TRIP12: variants seen among roughly 807,000 people sequenced by gnomAD.
The protein encoded by TRIP12 is thyroid hormone receptor interactor 12.
In TRIP12, 25 loss-of-function variants were observed where a neutral mutation model predicts 244.2. The ratio of observed to expected loss-of-function variants is 0.10; its 90% CI spans 0.07 to 0.14. TRIP12 has a LOEUF of 0.14. Ranked by LOEUF, TRIP12 falls within the 10% of genes least tolerant of loss-of-function variation. The pLI, the probability that TRIP12 is intolerant of heterozygous loss-of-function variation, is 1.00. For synonymous variants in TRIP12, 905 were observed against 873.1 expected (o/e 1.04, Z -0.64); for missense variants, 1,677 against 2,486.4 (o/e 0.67, Z 6.92).
In TRIP12 at chr2:229,829,121, C is replaced by G. The variant is rs2052592952; in HGVS notation, c.1450+72G>C. ...ATGAAAAACTTCTTAATACTTACAT[C>G]AATAGGTTACAAGTAACAATAGCAG... On this transcript the variant is annotated intron_variant, in intron 8 of 41. Transcript: ENST00000675903. 15 of 1,395,770 alleles carry G rather than the reference C, an allele frequency of 1.1e-5. No individual in the cohort carries two copies. The South Asian group carries it at 1.8e-4, about 17-fold the overall frequency. The allele number at this position is 1,395,770 out of a possible 1,614,324, so 86.5% of individuals were successfully genotyped here. A position where few individuals can be genotyped will look rare whatever the true frequency, so the allele number is the denominator to read the frequency against.
At chr2:229,920,278 A>G (rs1215222167) in intron 1 of TRIP12, among the ~76,000 whole-genome samples, 1 of 152,210 alleles carries the variant, frequency 6.6e-6, no homozygotes, top group Non-Finnish European at 1.5e-5. Flanking sequence ...AAAAATACCT[A>G]ATGAGACTCT....
intron 1 of TRIP12, among the ~76,000 whole-genome samples, chr2:229,907,134 C>A (rs905123343): frequency 6.6e-6 from 1 of 152,184 alleles, no homozygotes; most frequent in Non-Finnish European, 1.5e-5. Context: ...ACACTGTTGA[C>A]TGTAACTTTA....
chr2:229,771,365 G>A lies in TRIP12; in HGVS notation c.5808+154C>T, dbSNP rs116220382. On this transcript the variant is annotated intron_variant, in intron 39 of 41. Transcript: ENST00000675903. ...CCTATTTAACATTCTTCCTTGCTCA[G>A]GCAATTTCCTTGTCTTTCCCAAACA... Among the ~76,000 whole-genome samples the A allele has an allele frequency of 8.4e-3, 1,279 of 152,306 alleles. 11 individuals are homozygous for A. Among genetic ancestry groups the A allele is most frequent in the Non-Finnish European group, 9.2e-3 (625 of 68,022 alleles).
intron 21 of TRIP12, among the ~76,000 whole-genome samples, chr2:229,801,731 T>A (rs1448048663): frequency 6.6e-6 from 1 of 152,240 alleles, no homozygotes. Context: ...GTAGAGAATT[T>A]AAGAACTCTC....
At chr2:229,849,412 A>G (rs1575959801) in intron 4 of TRIP12, among the ~76,000 whole-genome samples, 1 of 152,018 alleles carries the variant, frequency 6.6e-6, no homozygotes, top group Non-Finnish European at 1.5e-5. Flanking sequence ...CAAAATCTTC[A>G]TTTTCCCTAA....
At chr2:229,779,882 C>A (rs1288048439) in intron 34 of TRIP12, among the ~76,000 whole-genome samples, 1 of 152,200 alleles carries the variant, frequency 6.6e-6, no homozygotes, top group Non-Finnish European at 1.5e-5. Flanking sequence ...CTCCTTCCTT[C>A]ACGATCTGTC....
chr2:229,855,327 TAA>T (rs770725633), intron 4 of TRIP12, among the ~76,000 whole-genome samples: 11 of 151,958 alleles, frequency 7.2e-5, no homozygotes, highest in Non-Finnish European at 1.5e-4. Context: ...GAGGAACAAA[TAA>T]GATGACTCAT....
chr2:229,771,683 A>G (rs1407095061), intron 38 of TRIP12, 51 bp from the exon 39 acceptor site: 1 of 1,398,674 alleles, frequency 7.1e-7, no homozygotes, highest in Admixed American at 1.7e-5. Context: ...AAATCTCTTT[A>G]CTATTTAATA....
intron 1 of TRIP12, 23 bp downstream of exon 1, chr2:229,921,857 G>A (rs2076657676): frequency 3.3e-5 from 2 of 61,276 alleles, no homozygotes. Flanking sequence ...TGCCCCCGCC[G>A]CCCAGAGCTG....
chr2:229,776,425 G>T (rs931427665), intron 37 of TRIP12, among the ~76,000 whole-genome samples: 1 of 152,118 alleles, frequency 6.6e-6, no homozygotes, highest in Non-Finnish European at 1.5e-5. Flanking sequence ...TAGCCTCTTT[G>T]AATACCAATT....
chr2:229,859,664 T>C lies in TRIP12; in HGVS notation c.225-90A>G, dbSNP rs2060152954. The C allele has an allele frequency of 4.3e-6, 6 of 1,380,134 alleles. No individual in the cohort carries two copies. In the African/African-American group the frequency reaches 7.2e-5, roughly 17 times the overall value. The allele number at this position is 1,380,134 out of a possible 1,614,324, so 85.5% of individuals were successfully genotyped here. A position where few individuals can be genotyped will look rare whatever the true frequency, so the allele number is the denominator to read the frequency against. ...GCTTTCAAAAAATAAAGTATGAATA[T>C]GTTCCTACTAAGTCCAGTATTAAAC... On this transcript the variant is annotated intron_variant, in intron 3 of 41. Coordinates refer to ENST00000675903, the MANE Select transcript of TRIP12 (RefSeq NM_001348323.3).
intron 1 of TRIP12, among the ~76,000 whole-genome samples, chr2:229,886,948 T>C (rs2066154643): frequency 6.6e-6 from 1 of 152,168 alleles, no homozygotes; most frequent in Non-Finnish European, 1.5e-5. Context: ...GTAGTGCAAA[T>C]AACCTTCTTA....
chr2:229,869,624 A>G (rs192666045), intron 2 of TRIP12, among the ~76,000 whole-genome samples: 6 of 152,290 alleles, frequency 3.9e-5, no homozygotes, highest in South Asian at 2.1e-4. Flanking sequence ...CCTCATTTCT[A>G]TAACTACTAT....
chr2:229,848,345 A>G (rs959388776), intron 4 of TRIP12, among the ~76,000 whole-genome samples: 3 of 109,880 alleles, frequency 2.7e-5, no homozygotes, highest in Non-Finnish European at 5.2e-5. Flanking sequence ...ACACACACAA[A>G]TACTTGAGAT....
intron 1 of TRIP12, among the ~76,000 whole-genome samples, chr2:229,914,441 G>C (rs2074985033): frequency 1.3e-5 from 2 of 152,074 alleles, no homozygotes; most frequent in Admixed American, 1.3e-4. Flanking sequence ...AGAAGCACTT[G>C]GTTTTTGAGA....
At chr2:229,813,801 A>G (rs996888778) in intron 13 of TRIP12, 69 bp downstream of exon 13, 41 of 1,142,988 alleles carry the variant, frequency 3.6e-5, no homozygotes, top group Non-Finnish European at 4.6e-5. Flanking sequence ...ATAAAATAAA[A>G]TAAAATATAA....
At chr2:229,886,629 G>A (rs2066090308) in intron 1 of TRIP12, among the ~76,000 whole-genome samples, 1 of 151,968 alleles carries the variant, frequency 6.6e-6, no homozygotes, top group Non-Finnish European at 1.5e-5. Context: ...ACCATGCATG[G>A]CTAATTTTTG....
chr2:229,841,830 G>A (rs143543556), intron 4 of TRIP12, among the ~76,000 whole-genome samples: 54 of 152,260 alleles, frequency 3.5e-4, no homozygotes, highest in African/African-American at 1.3e-3. Context: ...TGATTTCATT[G>A]CTTTAAAGGG....
rs749648182 is a variant in TRIP12 at position 229,799,054 on chromosome 2, G to A, written c.3308-5C>T. The A allele has an allele frequency of 4.4e-6, 7 of 1,604,832 alleles. No homozygotes were observed. Among genetic ancestry groups the A allele is most frequent in the Admixed American group, 3.5e-5 (2 of 57,064 alleles). On this transcript the variant is annotated splice_polypyrimidine_tract_variant and splice_region_variant and intron_variant, in intron 22 of 41. Coordinates refer to ENST00000675903, the MANE Select transcript of TRIP12 (RefSeq NM_001348323.3). Reference sequence around the variant, plus strand: ...GAGTAGTGGTGGGGCTTTTAGCTATGAAAAGAAAAAAGAACTACAGTTAAG... The same window carrying A: ...GAGTAGTGGTGGGGCTTTTAGCTATAAAAAGAAAAAAGAACTACAGTTAAG...
Sources: allele counts gnomAD v4.1 joint callset (sites outside exome capture counted in the v4.1 genomes callset), GRCh38; gene constraint gnomAD v4.1.1; transcripts MANE v1.5; gene names NCBI Gene and HGNC (gene_info 2026-07-23, HGNC 2026-07-21).